ITCH: variants seen among roughly 807,000 people sequenced by gnomAD.
ITCH encodes the protein E3 ubiquitin-protein ligase Itchy homolog.
ITCH carries 28 observed loss-of-function variants against 126.8 expected under a neutral mutation model. The observed-to-expected ratio is 0.22, with a 90% CI of 0.16 to 0.30. ITCH has a LOEUF of 0.30. Ranked by LOEUF, ITCH falls within the 10% of genes least tolerant of loss-of-function variation. The pLI, the probability that ITCH is intolerant of heterozygous loss-of-function variation, is 1.00. For synonymous variants in ITCH, 342 were observed against 340.0 expected (o/e 1.01, Z -0.06); for missense variants, 631 against 1,032.4 (o/e 0.61, Z 5.33).
intron 3 of ITCH, among the ~76,000 whole-genome samples, chr20:34,400,082 A>C (rs1437849679): frequency 6.6e-6 from 1 of 151,868 alleles, no homozygotes; most frequent in Non-Finnish European, 1.5e-5. Flanking sequence ...GGGATTACAG[A>C]CATGCGCCAC....
chr20:34,392,611 A>C (rs781537622), intron 2 of ITCH, among the ~76,000 whole-genome samples: 4 of 152,236 alleles, frequency 2.6e-5, no homozygotes, highest in Non-Finnish European at 4.4e-5. Context: ...TTACAGTTTC[A>C]AGGCATTTTG....
chr20:34,390,222 C>T (rs557609599), intron 2 of ITCH, among the ~76,000 whole-genome samples: 1 of 152,158 alleles, frequency 6.6e-6, no homozygotes, highest in East Asian at 1.9e-4. Flanking sequence ...TTTAATTCTG[C>T]AGATACTCTG....
At chr20:34,383,672 G>T (rs2038154278) in intron 2 of ITCH, among the ~76,000 whole-genome samples, 1 of 151,032 alleles carries the variant, frequency 6.6e-6, no homozygotes, top group Admixed American at 6.6e-5. Context: ...GTGCCTGGCT[G>T]ATATATATAT....
intron 2 of ITCH, among the ~76,000 whole-genome samples, chr20:34,385,187 T>TTA (rs1238215278): frequency 8.2e-6 from 1 of 122,570 alleles, no homozygotes; most frequent in African/African-American, 2.9e-5. Context: ...CCAGCTAATT[T>TTA]TATGTGTGTG....
chr20:34,459,245 G>C (rs1273885408), intron 13 of ITCH, among the ~76,000 whole-genome samples: 3 of 152,164 alleles, frequency 2.0e-5, no homozygotes, highest in Admixed American at 2.0e-4. Flanking sequence ...AGGTGCACAG[G>C]GCAGAGTCTG....
intron 20 of ITCH, among the ~76,000 whole-genome samples, chr20:34,488,597 C>G (rs915655097): frequency 6.6e-6 from 1 of 152,114 alleles, no homozygotes; most frequent in Non-Finnish European, 1.5e-5. Flanking sequence ...CCTGTAATGC[C>G]AGCTACTCGG....
At chr20:34,481,312 G>T in intron 20 of ITCH, 106 bp downstream of exon 20, 1 of 1,239,826 alleles carries the variant, frequency 8.1e-7, no homozygotes, top group Non-Finnish European at 1.2e-6. Flanking sequence ...ATTTGTCTCT[G>T]TACTAATCAA....
At chr20:34,381,727 G>A (rs1286248057) in intron 2 of ITCH, among the ~76,000 whole-genome samples, 1 of 151,988 alleles carries the variant, frequency 6.6e-6, no homozygotes, top group Non-Finnish European at 1.5e-5. Flanking sequence ...CGCCTGGCGT[G>A]TGTGCCTGTA....
At chr20:34,391,819 C>T (rs920866572) in intron 2 of ITCH, among the ~76,000 whole-genome samples, 4 of 152,010 alleles carry the variant, frequency 2.6e-5, no homozygotes, top group African/African-American at 9.7e-5. Context: ...TTAATCTTTT[C>T]TACATGAAGT....
chr20:34,390,671 A>G (rs2038456594), intron 2 of ITCH, among the ~76,000 whole-genome samples: 1 of 151,998 alleles, frequency 6.6e-6, no homozygotes. Flanking sequence ...GCTGGTCTCG[A>G]ACTCCTGACC....
chr20:34,431,814 C>T (rs978636688), intron 7 of ITCH, among the ~76,000 whole-genome samples: 63 of 151,898 alleles, frequency 4.1e-4, no homozygotes, highest in African/African-American at 1.4e-3. Flanking sequence ...CCAAGGTGGG[C>T]GGATCACTTG....
At chr20:34,483,915 CAAG>C (rs1048223840) in intron 20 of ITCH, among the ~76,000 whole-genome samples, 1 of 152,060 alleles carries the variant, frequency 6.6e-6, no homozygotes, top group Non-Finnish European at 1.5e-5. Context: ...TGGTGGAAGG[CAAG>C]GAGGAGCAAG....
chr20:34,396,814 G>A (rs997664919), intron 3 of ITCH, among the ~76,000 whole-genome samples: 1 of 151,902 alleles, frequency 6.6e-6, no homozygotes, highest in Non-Finnish European at 1.5e-5. Context: ...TACCTCTGTC[G>A]CTATTGTTAA....
chr20:34,497,617 C>G (rs1160875233), intron 23 of ITCH, among the ~76,000 whole-genome samples: 1 of 152,082 alleles, frequency 6.6e-6, no homozygotes, highest in African/African-American at 2.4e-5. Flanking sequence ...ATCACTCTGT[C>G]ACCCAGGCTG....
At position 34,490,047 on chromosome 20, in the gene ITCH, G is replaced by A. The variant is rs1470461417; in HGVS notation, c.2319+121G>A. On this transcript the variant is annotated intron_variant, in intron 22 of 24. Transcript: ENST00000374864. ...AGTGTATATAGACCCCTTAGTCCAT[G>A]CATTATAATAAATGAATACAGATTA... The A allele has an allele frequency of 5.6e-6, 4 of 711,178 alleles. No homozygotes were observed. The East Asian group carries it at 1.1e-4, about 19-fold the overall frequency. 44.1% of individuals were successfully genotyped at this position (711,178 alleles called of 1,614,324 possible). A position where few individuals can be genotyped will look rare whatever the true frequency, so the allele number is the denominator to read the frequency against.
chr20:34,488,504 G>T (rs899885123), intron 20 of ITCH, among the ~76,000 whole-genome samples: 5 of 152,124 alleles, frequency 3.3e-5, no homozygotes, highest in Non-Finnish European at 7.4e-5. Flanking sequence ...TTAAGGTCAG[G>T]AGTTCAAGAC....
At chr20:34,491,680 A>G (rs914799905) in intron 22 of ITCH, among the ~76,000 whole-genome samples, 1 of 152,256 alleles carries the variant, frequency 6.6e-6, no homozygotes, top group African/African-American at 2.4e-5. Context: ...ATAATACTAC[A>G]ATAGGATAAA....
chr20:34,501,689 C>T (rs1307537259), intron 23 of ITCH, among the ~76,000 whole-genome samples: 5 of 150,734 alleles, frequency 3.3e-5, no homozygotes, highest in Admixed American at 6.6e-5. Context: ...GCAGGAGAAT[C>T]GCTTGAACCT....
At chr20:34,428,830 T>C (rs1214588483) in intron 7 of ITCH, among the ~76,000 whole-genome samples, 1 of 152,228 alleles carries the variant, frequency 6.6e-6, no homozygotes, top group South Asian at 2.1e-4. Context: ...TATGAACTTA[T>C]TTATAGGTCA....
Sources: allele counts gnomAD v4.1 joint callset (sites outside exome capture counted in the v4.1 genomes callset), GRCh38; gene constraint gnomAD v4.1.1; transcripts MANE v1.5; gene names NCBI Gene and HGNC (gene_info 2026-07-23, HGNC 2026-07-21).